The following ANKRD44 variants were observed in gnomAD, a reference collection of about 807,000 sequenced individuals.
The protein encoded by ANKRD44 is ankyrin repeat domain 44, also known as serine/threonine-protein phosphatase 6 regulatory ankyrin repeat subunit B.
A neutral mutation model predicts 116.0 loss-of-function variants in ANKRD44; 35 were observed. That is an observed-to-expected ratio of 0.30 (90% CI 0.23 to 0.40). The LOEUF (loss-of-function observed/expected upper bound fraction) is 0.40, where lower values mean the gene tolerates loss of function less well. ANKRD44 is among the 10% of genes least tolerant of loss of function. The pLI is 1.00. For missense variants in ANKRD44, 1,014 were observed against 1,242.6 expected, an observed-to-expected ratio of 0.82 and a Z score of 2.77; for synonymous variants, 435 against 461.8, an observed-to-expected ratio of 0.94 and a Z score of 0.74.
At chr2:197,009,101 TC>T (rs1166395135) in intron 18 of ANKRD44, 70 bp from the exon 19 acceptor site, 5 of 1,392,036 alleles carry the variant, frequency 3.6e-6, no homozygotes, top group Non-Finnish European at 5.1e-6. Context: ...AATGACTTTT[TC>T]TTTTTTTTGA....
intron 6 of ANKRD44, among the ~76,000 whole-genome samples, chr2:197,123,506 C>T (rs1321183906): frequency 5.3e-5 from 8 of 152,182 alleles, no homozygotes; most frequent in Admixed American, 5.2e-4. Flanking sequence ...TGGCACATGC[C>T]TGTAGTCCCA....
chr2:197,120,614 G>A (rs1283879996), intron 8 of ANKRD44, among the ~76,000 whole-genome samples: 3 of 151,926 alleles, frequency 2.0e-5, no homozygotes, highest in Middle Eastern at 3.2e-3. Context: ...TCACGCCATT[G>A]CATTCCAGCC....
intron 21 of ANKRD44, among the ~76,000 whole-genome samples, chr2:196,977,804 T>C (rs2125862755): frequency 6.6e-6 from 1 of 152,254 alleles, no homozygotes; most frequent in East Asian, 1.9e-4. Flanking sequence ...ATGATAAACA[T>C]AGAGTTACCA....
intron 2 of ANKRD44, among the ~76,000 whole-genome samples, chr2:197,165,660 G>C (rs190402070): frequency 2.1e-4 from 32 of 152,252 alleles, no homozygotes; most frequent in Admixed American, 1.7e-3. Flanking sequence ...GTTTTCCTGG[G>C]AGCAAACACC....
chr2:197,069,305 G>T (rs1000614240), intron 16 of ANKRD44, among the ~76,000 whole-genome samples: 5 of 152,064 alleles, frequency 3.3e-5, no homozygotes, highest in African/African-American at 4.8e-5. Context: ...GTTGTGGGGT[G>T]GGGGGAGTGG....
intron 1 of ANKRD44, among the ~76,000 whole-genome samples, chr2:197,237,807 A>G (rs185787525): frequency 3.0e-3 from 462 of 152,364 alleles, no homozygotes; most frequent in South Asian, 6.0e-3. Context: ...ACGCCTTACA[A>G]AAGTGACATC....
At chr2:197,152,739 G>A (rs966903474) in intron 2 of ANKRD44, among the ~76,000 whole-genome samples, 7 of 152,162 alleles carry the variant, frequency 4.6e-5, no homozygotes, top group African/African-American at 1.2e-4. Context: ...GGCACCCTAC[G>A]CCTGTTTTGA....
At chr2:197,136,751 T>G (rs2079227606) in intron 3 of ANKRD44, 89 bp from the exon 4 acceptor site, 1 of 1,112,302 alleles carries the variant, frequency 9.0e-7, no homozygotes, top group South Asian at 1.3e-5. Flanking sequence ...TGCTCCCATT[T>G]GCCTGACATA....
chr2:197,202,281 G>A (rs941347901), intron 1 of ANKRD44, among the ~76,000 whole-genome samples: 6 of 152,158 alleles, frequency 3.9e-5, no homozygotes, highest in African/African-American at 1.4e-4. Context: ...TGATCAGTAG[G>A]TGTTACATAA....
intron 16 of ANKRD44, 38 bp downstream of exon 16, chr2:197,078,665 T>C (rs369642452): frequency 6.2e-7 from 1 of 1,604,814 alleles, no homozygotes; most frequent in Non-Finnish European, 8.5e-7. Context: ...GGTATGTGTG[T>C]GTGTGTGTGT....
At chr2:197,284,853 C>T (rs1428806527) in intron 1 of ANKRD44, among the ~76,000 whole-genome samples, 9 of 151,164 alleles carry the variant, frequency 6.0e-5, no homozygotes, top group African/African-American at 1.9e-4. Flanking sequence ...ACCACTGTAC[C>T]CCAGCCTGGG....
Position 197,212,052 on chromosome 2 carries a change from T to TCACA in ANKRD44, c.28-24950_28-24947dup, listed in dbSNP as rs375445587. ...CTCTCTCTCTCAGTCTCTCTCTCTC[T>TCACA]CACACACACACACACACACACACCC... On this transcript the variant is annotated intron_variant, in intron 1 of 27. Transcript: ENST00000282272. This position sits in a 1 kb window ranked among gnomAD's most constrained non-coding sequence, Gnocchi z 4.8. Among the ~76,000 whole-genome samples the TCACA allele has an allele frequency of 5.8e-3, 854 of 147,994 alleles. 8 individuals are homozygous for TCACA. Among genetic ancestry groups the TCACA allele is most frequent in the South Asian group, 0.01 (48 of 4,626 alleles).
intron 1 of ANKRD44, among the ~76,000 whole-genome samples, chr2:197,258,485 T>C (rs1000528688): frequency 6.6e-6 from 1 of 152,178 alleles, no homozygotes; most frequent in African/African-American, 2.4e-5. Context: ...TATCAATTCA[T>C]ACGTCATTGG....
chr2:197,166,484 A>G (rs2080103870), intron 2 of ANKRD44, among the ~76,000 whole-genome samples: 1 of 152,258 alleles, frequency 6.6e-6, no homozygotes, highest in Non-Finnish European at 1.5e-5. Context: ...AGCGAGGAAT[A>G]TTGAAAAGAG....
At chr2:197,224,684 A>G (rs1249022856) in intron 1 of ANKRD44, among the ~76,000 whole-genome samples, 1 of 152,194 alleles carries the variant, frequency 6.6e-6, no homozygotes. Flanking sequence ...ACTAACACCC[A>G]ATATATCTAT....
chr2:197,108,236 A>G (rs986507420), intron 9 of ANKRD44, among the ~76,000 whole-genome samples: 3 of 152,166 alleles, frequency 2.0e-5, no homozygotes, highest in Non-Finnish European at 2.9e-5. Context: ...CAGCTTCCTC[A>G]TCTTTGAAAT....
chr2:197,292,936 T>C (rs1053977436), intron 1 of ANKRD44, among the ~76,000 whole-genome samples: 1 of 152,190 alleles, frequency 6.6e-6, no homozygotes, highest in African/African-American at 2.4e-5. Context: ...CCATACTGTT[T>C]CCTTGACTGG....
At chr2:197,051,568 A>T (rs1242739171) in intron 16 of ANKRD44, among the ~76,000 whole-genome samples, 1 of 152,066 alleles carries the variant, frequency 6.6e-6, no homozygotes, top group Non-Finnish European at 1.5e-5. Context: ...CACCCAGCTT[A>T]TTTTTTAATT....
chr2:197,096,100 G>T (rs16861802), intron 10 of ANKRD44, among the ~76,000 whole-genome samples: 2 of 152,114 alleles, frequency 1.3e-5, no homozygotes, highest in Non-Finnish European at 2.9e-5. Flanking sequence ...AGTCTTGTGA[G>T]ACTGGGTTCC....
Sources: allele counts gnomAD v4.1 joint callset (sites outside exome capture counted in the v4.1 genomes callset), GRCh38; gene constraint gnomAD v4.1.1; non-coding constraint Gnocchi (gnomAD v3.1); transcripts MANE v1.5; gene names NCBI Gene and HGNC (gene_info 2026-07-23, HGNC 2026-07-21).